The following RIN3 variants were observed in gnomAD, a reference collection of about 807,000 sequenced individuals.
RIN3 encodes the protein Ras and Rab interactor 3, also known as RAB5 interacting protein 3.
A neutral mutation model predicts 76.3 loss-of-function variants in RIN3; 54 were observed. The observed-to-expected ratio is 0.71, with a 90% CI of 0.57 to 0.89. The LOEUF is 0.89. RIN3 is among the 40% of genes least tolerant of loss of function. RIN3 has a pLI of 0.00. For synonymous variants in RIN3, 576 were observed against 564.0 expected, an observed-to-expected ratio of 1.02 and a Z score of -0.30; for missense variants, 1,256 against 1,322.1, an observed-to-expected ratio of 0.95 and a Z score of 0.78.
In RIN3 at chr14:92,513,972, AC is replaced by A; in HGVS notation, c.41del (p.Thr14ArgfsTer53). ...HAGAPARGDP[T>X]GPVPVVGKGE... is the part of the protein sequence containing the mutation. ...CGGGGCGCCCGCGCGCGGGGACCCCACGGGGTAAGTCCGGGCGGCCGCCCCC... is the reference window on the plus strand; with the variant it reads ...CGGGGCGCCCGCGCGCGGGGACCCCAGGGGTAAGTCCGGGCGGCCGCCCCC... On this transcript the variant is annotated frameshift_variant, in exon 1 of 10. Coordinates refer to ENST00000216487, the MANE Select transcript of RIN3 (RefSeq NM_024832.5). LOFTEE classifies it high-confidence loss of function. 8.1e-7 allele frequency: 1 copy of A among 1,240,790 alleles called. No individual in the cohort carries two copies. The allele number at this position is 1,240,790 out of a possible 1,614,324, so 76.9% of individuals were successfully genotyped here.
rs1199597523 is a variant in RIN3, at chr14:92,514,544, C to T, written c.44+568C>T. On this transcript the variant is annotated intron_variant, in intron 1 of 9. Transcript: ENST00000216487. This position sits in a 1 kb window ranked among gnomAD's most constrained non-coding sequence, Gnocchi z 7.2. ...GGCCCTTTTCCCGCCGCCCCTCTGC[C>T]CTGGCCGTAGACGGTGACCTTCGGA... is the stretch of plus-strand genomic sequence containing the variant. 1.3e-5 allele frequency among the ~76,000 whole-genome samples: 2 copies of T among 152,268 alleles called. No individual in the cohort carries two copies. Among genetic ancestry groups the T allele is most frequent in the African/African-American group, 4.8e-5 (2 of 41,480 alleles).
Position 92,676,564 on chromosome 14 carries a change from T to C in RIN3, c.2425T>C (p.Tyr809His). Residue 809 changes from tyrosine (Y) to histidine (H), a missense_variant, in exon 8 of 10, where the codon TAC becomes CAC. By Grantham distance (83) the Tyr-to-His change is moderately conservative. This residue lies in a region of RIN3 where 428 missense variants were observed against 521.2 expected (regional missense o/e 0.82). Coordinates refer to ENST00000216487, the MANE Select transcript of RIN3 (RefSeq NM_024832.5). Reference sequence around the variant, plus strand: ...CACGGAGATGCTTCTCAATGTGGAGTACATGATGGAGCTCATGGACCCCGC... The same window carrying C: ...CACGGAGATGCTTCTCAATGTGGAGCACATGATGGAGCTCATGGACCCCGC... ...NLTEMLLNVE[Y>H]MMELMDPALQ... 1 of 1,613,932 alleles carries C rather than the reference T, an allele frequency of 6.2e-7. No homozygotes were observed. The highest frequency in any genetic ancestry group is 8.5e-7 in the Non-Finnish European group (1 of 1,179,966).
Position 92,626,254 on chromosome 14 carries a change from C to T in RIN3, c.440+10775C>T, listed in dbSNP as rs556133705. On this transcript the variant is annotated intron_variant, in intron 4 of 9. Coordinates refer to ENST00000216487, the MANE Select transcript of RIN3 (RefSeq NM_024832.5). ...TGGTCTGCTGCAGGAACATTTTGGC[C>T]AGGAGAATGTTCACATTCCCAAATT... Among the ~76,000 whole-genome samples, 5 of 152,268 alleles carry T rather than the reference C, an allele frequency of 3.3e-5. No homozygotes were observed. The East Asian group carries it at 7.7e-4, about 23-fold the overall frequency.
chr14:92,589,231 T>A (rs556940662), intron 3 of RIN3, among the ~76,000 whole-genome samples: 4 of 152,080 alleles, frequency 2.6e-5, no homozygotes, highest in Non-Finnish European at 5.9e-5. Flanking sequence ...CTCTTTTGCA[T>A]GTATTGTGTT....
intron 3 of RIN3, among the ~76,000 whole-genome samples, chr14:92,603,704 C>T (rs572150872): frequency 6.6e-6 from 1 of 152,164 alleles, no homozygotes; most frequent in Non-Finnish European, 1.5e-5. Context: ...ATGGGGTTGT[C>T]TGCTCTTCTC....
chr14:92,558,015 A>T (rs1026572043), intron 2 of RIN3, among the ~76,000 whole-genome samples: 11 of 152,214 alleles, frequency 7.2e-5, no homozygotes, highest in African/African-American at 2.4e-4. Flanking sequence ...GCTGGATGGG[A>T]CATAGTCATG....
chr14:92,538,667 T>C (rs1259155888), intron 1 of RIN3, among the ~76,000 whole-genome samples: 1 of 152,198 alleles, frequency 6.6e-6, no homozygotes, highest in East Asian at 1.9e-4. Flanking sequence ...TGTGCGGTCT[T>C]AGCCAGAACA....
chr14:92,675,235 TG>T (rs1377765683), intron 7 of RIN3, among the ~76,000 whole-genome samples: 5 of 152,232 alleles, frequency 3.3e-5, no homozygotes, highest in African/African-American at 9.6e-5. Flanking sequence ...CCTGCTTATT[TG>T]CATTTTTATG....
intron 3 of RIN3, among the ~76,000 whole-genome samples, chr14:92,604,304 G>A (rs142449923): frequency 2.1e-3 from 325 of 152,306 alleles, no homozygotes; most frequent in Non-Finnish European, 3.9e-3. Flanking sequence ...CAGGGTCTGC[G>A]CCCCTGGCCT....
intron 1 of RIN3, among the ~76,000 whole-genome samples, chr14:92,551,475 A>C (rs939954615): frequency 2.0e-5 from 3 of 152,154 alleles, no homozygotes; most frequent in Admixed American, 6.5e-5. Flanking sequence ...TAGGAGTGGA[A>C]TCGCTGGGCC....
intron 4 of RIN3, among the ~76,000 whole-genome samples, chr14:92,640,684 G>A (rs1336026855): frequency 4.6e-5 from 5 of 109,124 alleles, no homozygotes; most frequent in African/African-American, 6.6e-5. Context: ...CTGACTGTGC[G>A]TTTGCTGGGA....
At chr14:92,527,683 G>C (rs57992026) in intron 1 of RIN3, among the ~76,000 whole-genome samples, 11,366 of 151,974 alleles carry the variant, frequency 0.075, 1,424 homozygotes, top group African/African-American at 0.26. Flanking sequence ...CTCTTCCTCC[G>C]CAGACCCCCG....
chr14:92,570,304 A>T (rs1595423892), intron 2 of RIN3, among the ~76,000 whole-genome samples: 2 of 140,034 alleles, frequency 1.4e-5, no homozygotes, highest in Non-Finnish European at 3.1e-5. Flanking sequence ...GGCACCCCAG[A>T]GTTCCCTCGT....
At chr14:92,558,881 T>C (rs2140038399) in intron 2 of RIN3, among the ~76,000 whole-genome samples, 1 of 117,476 alleles carries the variant, frequency 8.5e-6, no homozygotes, top group East Asian at 2.6e-4. Context: ...TTTTTTCTTT[T>C]CTTTTCTTTT....
intron 1 of RIN3, among the ~76,000 whole-genome samples, chr14:92,543,618 C>CTTTTTT (rs3033757): frequency 1.2e-5 from 1 of 84,886 alleles, no homozygotes; most frequent in Non-Finnish European, 2.1e-5. Flanking sequence ...AAGGCTTTTG[C>CTTTTTT]TTTTTTTTTT....
At chr14:92,664,940 A>T (rs1046228356) in intron 7 of RIN3, among the ~76,000 whole-genome samples, 14 of 152,212 alleles carry the variant, frequency 9.2e-5, no homozygotes, top group Admixed American at 8.5e-4. Flanking sequence ...TCAGGATCTG[A>T]TGAAGGGTTA....
At chr14:92,629,770 A>G (rs1886498088) in intron 4 of RIN3, among the ~76,000 whole-genome samples, 1 of 152,244 alleles carries the variant, frequency 6.6e-6, no homozygotes, top group Non-Finnish European at 1.5e-5. Flanking sequence ...CCCATTCTAC[A>G]GATGAGGAAA....
At chr14:92,561,875 G>A (rs773373446) in intron 2 of RIN3, among the ~76,000 whole-genome samples, 1 of 152,080 alleles carries the variant, frequency 6.6e-6, no homozygotes, top group South Asian at 2.1e-4. Context: ...TTGTAGAGAC[G>A]AGGTCTCCCT....
At chr14:92,684,867 A>G (rs1888792298) in intron 8 of RIN3, 120 bp from the exon 9 acceptor site, 1 of 1,048,366 alleles carries the variant, frequency 9.5e-7, no homozygotes, top group African/African-American at 1.6e-5. Context: ...GTGTTTGCAG[A>G]TGTGCCTCAA....
Sources: allele counts gnomAD v4.1 joint callset (sites outside exome capture counted in the v4.1 genomes callset), GRCh38; gene constraint gnomAD v4.1.1; regional missense constraint gnomAD v4.1.1; non-coding constraint Gnocchi (gnomAD v3.1); transcripts MANE v1.5; gene names NCBI Gene and HGNC (gene_info 2026-07-23, HGNC 2026-07-21).